The following KIF1B variants were observed in gnomAD, a reference collection of about 807,000 sequenced individuals.
The protein encoded by KIF1B is kinesin-like protein KIF1B.
KIF1B carries 76 observed loss-of-function variants against 241.9 expected under a neutral mutation model. The ratio of observed to expected loss-of-function variants is 0.31; its 90% CI spans 0.26 to 0.38. The LOEUF (loss-of-function observed/expected upper bound fraction) is 0.38. KIF1B is among the 10% of genes least tolerant of loss of function. The pLI is 1.00. For missense variants in KIF1B, 1,622 were observed against 2,271.4 expected, an observed-to-expected ratio of 0.71 and a Z score of 5.81; for synonymous variants, 750 against 796.7, an observed-to-expected ratio of 0.94 and a Z score of 0.99.
intron 34 of KIF1B, 79 bp downstream of exon 34, chr1:10,343,366 G>C: frequency 7.3e-7 from 1 of 1,378,178 alleles, no homozygotes; most frequent in Non-Finnish European, 1.0e-6. Flanking sequence ...TCAAATAGAA[G>C]TCATGTTTGA....
At chr1:10,371,105 G>C in intron 44 of KIF1B, 36 bp from the exon 45 acceptor site, 2 of 1,614,012 alleles carry the variant, frequency 1.2e-6, no homozygotes, top group Non-Finnish European at 1.7e-6. Context: ...GCTTTTTTCA[G>C]CTGAATGTAA....
At chr1:10,231,146 G>C (rs529125664) in intron 1 of KIF1B, 1 of 152,218 alleles carries the variant, frequency 6.6e-6, no homozygotes, top group Admixed American at 6.5e-5. Context: ...GGAGGCAGAG[G>C]TTGCAGTGAG....
intron 22 of KIF1B, among the ~76,000 whole-genome samples, chr1:10,315,656 T>C (rs1307744222): frequency 6.6e-6 from 1 of 151,676 alleles, no homozygotes; most frequent in Non-Finnish European, 1.5e-5. Context: ...GGTTATGATT[T>C]TTTAAATCTT....
chr1:10,377,088 A>G lies in KIF1B; in HGVS notation c.*501A>G, dbSNP rs1302079026. 5 of 249,344 alleles carry G rather than the reference A, an allele frequency of 2.0e-5. No homozygotes were observed. Among genetic ancestry groups the G allele is most frequent in the East Asian group, 1.1e-4 (2 of 17,752 alleles). The allele number at this position is 249,344 out of a possible 1,614,324, so 15.4% of individuals were successfully genotyped here. On this transcript the variant is annotated 3_prime_UTR_variant, in exon 49 of 49. Transcript: ENST00000676179. ...ATTTTTCTTGGGTGGCTTAGAGACT[A>G]AGGGAGGAGACATCTGGCCTTTTTA...
chr1:10,314,225 T>G (rs577416660), intron 22 of KIF1B, among the ~76,000 whole-genome samples: 1 of 151,608 alleles, frequency 6.6e-6, no homozygotes, highest in East Asian at 1.9e-4. Flanking sequence ...TTAGTTTTTG[T>G]CACAAAATGA....
chr1:10,366,831 C>T (rs770142474), intron 43 of KIF1B, among the ~76,000 whole-genome samples: 1 of 151,880 alleles, frequency 6.6e-6, no homozygotes, highest in Admixed American at 6.6e-5. Flanking sequence ...ATTAGCCGAA[C>T]GTGGTGGCGT....
At chr1:10,304,812 C>A in intron 22 of KIF1B, 1 of 1,480,680 alleles carries the variant, frequency 6.8e-7, no homozygotes, top group East Asian at 2.5e-5. Context: ...TTCAACACCT[C>A]CCTTTTGCTT....
chr1:10,345,830 A>G lies in KIF1B; in HGVS notation c.3689-15A>G, dbSNP rs773937489. On this transcript the variant is annotated splice_polypyrimidine_tract_variant and intron_variant, in intron 34 of 48. Transcript: ENST00000676179. The stretch of plus-strand genomic sequence containing the variant: ...CTTGGACCAGATTTTGACATACTCT[A>G]AAAACTTTTAAAAGTTCCAGCCACC... The G allele has an allele frequency of 1.9e-6, 3 of 1,606,848 alleles. No homozygotes were observed. The highest frequency in any genetic ancestry group is 2.6e-6 in the Non-Finnish European group (3 of 1,173,558).
intron 22 of KIF1B, among the ~76,000 whole-genome samples, chr1:10,312,375 G>A (rs1426835759): frequency 2.0e-5 from 3 of 151,424 alleles, no homozygotes; most frequent in African/African-American, 7.4e-5. Flanking sequence ...GGACAGTGCT[G>A]TGACAGCCTC....
chr1:10,259,529 GTC>G (rs1486391831), intron 4 of KIF1B, among the ~76,000 whole-genome samples: 3 of 148,690 alleles, frequency 2.0e-5, no homozygotes, highest in African/African-American at 7.5e-5. Flanking sequence ...TTGAGGTGGA[GTC>G]TCTCTCTGTT....
chr1:10,250,281 G>A (rs569806733), intron 2 of KIF1B, among the ~76,000 whole-genome samples: 29 of 151,770 alleles, frequency 1.9e-4, no homozygotes, highest in African/African-American at 6.5e-4. Flanking sequence ...TTTTAGAGAC[G>A]ACACAGACGT....
intron 27 of KIF1B, among the ~76,000 whole-genome samples, chr1:10,327,314 A>G (rs1215796373): frequency 6.6e-6 from 1 of 152,140 alleles, no homozygotes; most frequent in Non-Finnish European, 1.5e-5. Flanking sequence ...AGCCTGCCCA[A>G]CACGGTGAAA....
intron 2 of KIF1B, among the ~76,000 whole-genome samples, chr1:10,252,916 G>T (rs545897025): frequency 2.0e-5 from 3 of 151,938 alleles, no homozygotes; most frequent in Non-Finnish European, 4.4e-5. Flanking sequence ...ACAGAGATGG[G>T]GTTTCACCAT....
Position 10,371,181 on chromosome 1 carries a change from C to G in KIF1B, c.4865C>G (p.Ser1622Cys). The change falls in exon 45 of 49, where the codon TCC becomes TGC. Residue 1622 changes from serine to cysteine, a missense_variant. This residue lies in a region of KIF1B where 357 missense variants were observed against 409.0 expected (regional missense o/e 0.87). Transcript: ENST00000676179. The stretch of plus-strand genomic sequence containing the variant: ...CCAATTGGACGGGATCCCTCTGAGT[C>G]CAGTTTCAGCAGTGCCACCCTCACT... ...ISPIGRDPSE[S>C]SFSSATLTPS... is the part of the protein sequence containing the mutation. 6.2e-7 allele frequency: 1 copy of G among 1,614,104 alleles called. No individual in the cohort carries two copies. The highest frequency in any genetic ancestry group is 8.5e-7 in the Non-Finnish European group (1 of 1,180,012).
At chr1:10,254,200 T>C (rs1377479217) in intron 2 of KIF1B, among the ~76,000 whole-genome samples, 6 of 152,246 alleles carry the variant, frequency 3.9e-5, no homozygotes, top group Non-Finnish European at 8.8e-5. Flanking sequence ...TGAAATATAG[T>C]GTGACTGGAT....
In KIF1B at chr1:10,297,248, T is replaced by G; in HGVS notation, c.2115+2T>G. ...CTTCTTTTGGAGCAGCAGAGACTGG[T>G]AGGAGTCCTGAATCTGCTAAACTGT... On this transcript the variant is annotated splice_donor_variant, in intron 22 of 48. Coordinates refer to ENST00000676179, the MANE Select transcript of KIF1B (RefSeq NM_001365951.3). LOFTEE classifies it high-confidence loss of function. The G allele has an allele frequency of 6.2e-7, 1 of 1,612,120 alleles. No homozygotes were observed. The highest frequency in any genetic ancestry group is 8.5e-7 in the Non-Finnish European group (1 of 1,179,052).
intron 1 of KIF1B, among the ~76,000 whole-genome samples, chr1:10,219,612 G>T (rs1646814150): frequency 6.6e-6 from 1 of 151,292 alleles, no homozygotes; most frequent in African/African-American, 2.4e-5. Context: ...AAAAAAATCA[G>T]CTGAGTGTGG....
At chr1:10,262,807 A>G (rs1313634964) in intron 5 of KIF1B, among the ~76,000 whole-genome samples, 2 of 152,072 alleles carry the variant, frequency 1.3e-5, no homozygotes, top group Admixed American at 6.6e-5. Context: ...TAATATTGTT[A>G]ATAATGGTTT....
intron 22 of KIF1B, among the ~76,000 whole-genome samples, chr1:10,298,733 A>G (rs1344949453): frequency 6.6e-6 from 1 of 152,176 alleles, no homozygotes; most frequent in Non-Finnish European, 1.5e-5. Context: ...AATGCCTTGT[A>G]TTTGTATAGT....
Sources: gnomAD v4.1 joint callset for allele counts (sites outside exome capture counted in the v4.1 genomes callset) on GRCh38, gnomAD v4.1.1 for gene constraint, gnomAD v4.1.1 regional missense constraint, MANE v1.5 for transcripts, NCBI Gene and HGNC (gene_info 2026-07-23, HGNC 2026-07-21) for gene names.